COBLL1: variants seen among roughly 807,000 people sequenced by gnomAD.
The protein encoded by COBLL1 is cordon-bleu protein-like 1.
COBLL1 carries 50 observed loss-of-function variants against 94.8 expected under a neutral mutation model. The ratio of observed to expected loss-of-function variants is 0.53; its 90% CI spans 0.42 to 0.67. The LOEUF (loss-of-function observed/expected upper bound fraction) is 0.67, where lower values mean the gene tolerates loss of function less well. COBLL1 is among the 30% of genes least tolerant of loss of function. The pLI is 0.00. For synonymous variants in COBLL1, 448 were observed against 473.8 expected, an observed-to-expected ratio of 0.95 and a Z score of 0.71; for missense variants, 1,362 against 1,348.7, an observed-to-expected ratio of 1.01 and a Z score of -0.15.
Position 164,841,432 on chromosome 2 carries a change from T to G in COBLL1, c.-50-186A>C. 8.7e-7 allele frequency: 1 copy of G among 1,145,712 alleles called. No individual in the cohort carries two copies. The highest frequency in any genetic ancestry group is 1.1e-6 in the Non-Finnish European group (1 of 933,748). 71.0% of individuals were successfully genotyped at this position (1,145,712 alleles called of 1,614,324 possible). A position where few individuals can be genotyped will look rare whatever the true frequency, so the allele number is the denominator to read the frequency against. ...GCGCCGCCGCCGTCTCTACAAGGTC[T>G]AGCGGGCGCCCAGAGCACGGCGGAG... On this transcript the variant is annotated intron_variant, in intron 1 of 13. Transcript: ENST00000652658. The surrounding 1 kb of genome is among the most constrained non-coding windows in gnomAD (Gnocchi z 5.5).
chr2:164,698,127 A>G (rs1453093351), intron 11 of COBLL1: 2 of 152,084 alleles, frequency 1.3e-5, no homozygotes, highest in South Asian at 2.1e-4. Context: ...ACTTGACAAC[A>G]AAAGTCTTAA....
At chr2:164,704,768 A>C (rs532662070) in intron 8 of COBLL1, among the ~76,000 whole-genome samples, 184 bp downstream of exon 8, 7 of 152,362 alleles carry the variant, frequency 4.6e-5, no homozygotes, top group African/African-American at 1.7e-4. Context: ...GAGCTGTATA[A>C]TTTTGACACT....
At chr2:164,768,634 T>C (rs1688053249) in intron 2 of COBLL1, among the ~76,000 whole-genome samples, 1 of 152,174 alleles carries the variant, frequency 6.6e-6, no homozygotes, top group South Asian at 2.1e-4. Flanking sequence ...ATCTTATGTC[T>C]ATTAGTTAAA....
At chr2:164,693,965 C>A (rs570452421) in intron 12 of COBLL1, among the ~76,000 whole-genome samples, 1 of 151,964 alleles carries the variant, frequency 6.6e-6, no homozygotes, top group Non-Finnish European at 1.5e-5. Context: ...TAAGATAACA[C>A]AGGAAAATAG....
rs1683181317 is a variant in COBLL1, at chr2:164,684,332, T to C, written c.*1614A>G. The C allele has an allele frequency of 6.6e-6, 1 of 152,126 alleles. No individual in the cohort carries two copies. The highest frequency in any genetic ancestry group is 1.5e-5 in the Non-Finnish European group (1 of 68,000). The allele number at this position is 152,126 out of a possible 1,614,324, so 9.4% of individuals were successfully genotyped here. The stretch of plus-strand genomic sequence containing the variant: ...AAAACATCTTACATGTCGCTTGTCT[T>C]TAAGTCTTCAATCCAACTCAAAATA... On this transcript the variant is annotated 3_prime_UTR_variant, in exon 14 of 14. Coordinates refer to ENST00000652658, the MANE Select transcript of COBLL1 (RefSeq NM_001365672.2).
At chr2:164,823,551 C>G (rs1574655934) in intron 2 of COBLL1, among the ~76,000 whole-genome samples, 1 of 152,306 alleles carries the variant, frequency 6.6e-6, no homozygotes, top group East Asian at 1.9e-4. Context: ...TTCTCCAGTA[C>G]AGCCTGGTGA....
intron 2 of COBLL1, among the ~76,000 whole-genome samples, chr2:164,801,825 G>A (rs1035836013): frequency 6.6e-6 from 1 of 152,154 alleles, no homozygotes; most frequent in Non-Finnish European, 1.5e-5. Context: ...GTATATTTAT[G>A]TCTATTATCT....
At chr2:164,675,707 T>C (rs967883646), downstream of COBLL1, among the ~76,000 whole-genome samples, 6 of 152,230 alleles carry the variant, frequency 3.9e-5, no homozygotes, top group African/African-American at 1.4e-4. Flanking sequence ...AGACTAGGTT[T>C]TTGAGGTCTC....
At chr2:164,789,470 T>C (rs1683068464) in intron 2 of COBLL1, among the ~76,000 whole-genome samples, 1 of 152,150 alleles carries the variant, frequency 6.6e-6, no homozygotes, top group Non-Finnish European at 1.5e-5. Flanking sequence ...ACCTCTGTGC[T>C]AAGGAGAGTG....
At chr2:164,755,279 G>A (rs1687340514) in intron 2 of COBLL1, among the ~76,000 whole-genome samples, 1 of 152,206 alleles carries the variant, frequency 6.6e-6, no homozygotes, top group Admixed American at 6.5e-5. Context: ...GCACAATGCA[G>A]GAGTGAAATA....
intron 2 of COBLL1, among the ~76,000 whole-genome samples, chr2:164,818,359 C>T (rs1474565875): frequency 6.1e-5 from 7 of 113,968 alleles, no homozygotes; most frequent in Admixed American, 1.8e-4. Flanking sequence ...TGTGCATATA[C>T]GTATGTGTAC....
Position 164,793,818 on chromosome 2 carries a change from C to T in COBLL1, c.41+47338G>A, listed in dbSNP as rs1164853428. Among the ~76,000 whole-genome samples, 4 of 152,298 alleles carry T rather than the reference C, an allele frequency of 2.6e-5. No individual in the cohort carries two copies. In the East Asian group the frequency reaches 7.7e-4, roughly 29 times the overall value. The stretch of plus-strand genomic sequence containing the variant: ...AAAACCAAGCCTGCTTTATAGCAGA[C>T]TGGTAAGACTATAAGTATATTCCTT... On this transcript the variant is annotated intron_variant, in intron 2 of 13. Transcript: ENST00000652658.
chr2:164,699,665 A>AG (rs759846156), intron 10 of COBLL1, among the ~76,000 whole-genome samples, 166 bp from the exon 11 acceptor site: 3 of 152,092 alleles, frequency 2.0e-5, no homozygotes, highest in Non-Finnish European at 4.4e-5. Context: ...TTAATAGCAG[A>AG]GAAAAAATAT....
chr2:164,784,247 T>C (rs773067987), intron 2 of COBLL1, among the ~76,000 whole-genome samples: 2 of 152,198 alleles, frequency 1.3e-5, no homozygotes, highest in Non-Finnish European at 2.9e-5. Context: ...TTATAGACTT[T>C]AAGATCCACA....
intron 2 of COBLL1, among the ~76,000 whole-genome samples, chr2:164,796,834 G>C (rs1683485504): frequency 1.3e-5 from 2 of 151,962 alleles, no homozygotes; most frequent in South Asian, 4.1e-4. Flanking sequence ...AATCAGCAAG[G>C]TATGGTGGAG....
chr2:164,829,393 CTAAA>C (rs956267187), intron 2 of COBLL1, among the ~76,000 whole-genome samples: 2 of 152,132 alleles, frequency 1.3e-5, no homozygotes, highest in African/African-American at 4.8e-5. Flanking sequence ...TTCCCACTCA[CTAAA>C]TATATTTTGC....
chr2:164,773,612 A>C, intron 2 of COBLL1: 1 of 426,492 alleles, frequency 2.3e-6, no homozygotes, highest in South Asian at 2.5e-5. Context: ...GTGCAAGGGT[A>C]ATCATAGTTT....
chr2:164,685,850 T>C lies in COBLL1; in HGVS notation c.*96A>G, dbSNP rs1206606465. The C allele has an allele frequency of 1.8e-6, 1 of 545,420 alleles. No individual in the cohort carries two copies. Among genetic ancestry groups the C allele is most frequent in the Non-Finnish European group, 3.3e-6 (1 of 306,028 alleles). 33.8% of individuals were successfully genotyped at this position (545,420 alleles called of 1,614,324 possible). ...TTCTAATATTTTAATAGATAATATA[T>C]TAGTGTACATCTGAATATACATTTG... On this transcript the variant is annotated 3_prime_UTR_variant, in exon 14 of 14. Coordinates refer to ENST00000652658, the MANE Select transcript of COBLL1 (RefSeq NM_001365672.2).
intron 11 of COBLL1, among the ~76,000 whole-genome samples, 199 bp downstream of exon 11, chr2:164,699,206 G>T (rs1219836020): frequency 6.6e-6 from 1 of 151,902 alleles, no homozygotes; most frequent in Non-Finnish European, 1.5e-5. Context: ...GAGACCTCAG[G>T]TGAGTTATTT....
Sources: gnomAD v4.1 joint callset for allele counts (sites outside exome capture counted in the v4.1 genomes callset) on GRCh38, gnomAD v4.1.1 for gene constraint, Gnocchi (gnomAD v3.1) non-coding constraint, MANE v1.5 for transcripts, NCBI Gene and HGNC (gene_info 2026-07-23, HGNC 2026-07-21) for gene names.